FCSK: variants seen among roughly 807,000 people sequenced by gnomAD.
FCSK encodes fucose kinase.
FCSK carries 123 observed loss-of-function variants against 122.5 expected under a neutral mutation model. The ratio of observed to expected loss-of-function variants is 1.00; its 90% CI spans 0.87 to 1.17. The LOEUF is 1.17. FCSK is among the 50% of genes most tolerant of loss of function. The probability of loss-of-function intolerance (pLI) is 0.00; values close to 1 mark genes in which losing one functional copy is unlikely to be tolerated. For missense variants in FCSK, 1,366 were observed against 1,450.4 expected, an observed-to-expected ratio of 0.94 and a Z score of 0.95; for synonymous variants, 620 against 625.5, an observed-to-expected ratio of 0.99 and a Z score of 0.13.
At position 70,474,869 on chromosome 16, in the gene FCSK, C is replaced by A. The variant is rs574949266; in HGVS notation, c.2235C>A (p.Arg745=). Residue 745 remains arginine (R), a synonymous_variant, in exon 18 of 24, where the codon CGC becomes CGA. Transcript: ENST00000288078. ...VLGLAVRVDG[R]RPIGARARRI... is the part of the protein sequence containing the mutation. ...GCCTGGCTGTGCGAGTGGACGGCCGCCGGCCCATCGGAGCCAGGGCACGCC... is the reference window on the plus strand; with the variant it reads ...GCCTGGCTGTGCGAGTGGACGGCCGACGGCCCATCGGAGCCAGGGCACGCC... 7.1e-5 allele frequency: 113 copies of A among 1,599,538 alleles called. No homozygotes were observed. In the Middle Eastern group the frequency reaches 1.0e-3, roughly 14 times the overall value.
chr16:70,458,903 T>C (rs1032536434), intron 1 of FCSK, among the ~76,000 whole-genome samples: 1 of 152,162 alleles, frequency 6.6e-6, no homozygotes, highest in African/African-American at 2.4e-5. Context: ...GTTAAGCAAG[T>C]GGACCCTGTA....
In FCSK at chr16:70,472,570, G is replaced by A. The variant is rs757655651; in HGVS notation, c.1371G>A (p.Val457=). 3.1e-6 allele frequency: 5 copies of A among 1,613,200 alleles called. No homozygotes were observed. The highest frequency in any genetic ancestry group is 3.3e-5 in the Admixed American group (2 of 59,894). The part of the protein sequence containing the change: ...ERQGAGTYLN[V]PWSEFFKRTG... ...AGGGGGCAGGCACATATCTCAACGTGCCCTGGAGTGAATTCTTCAAGAGGA... is the reference window on the plus strand; with the variant it reads ...AGGGGGCAGGCACATATCTCAACGTACCCTGGAGTGAATTCTTCAAGAGGA... The change falls in exon 14 of 24, where the codon GTG becomes GTA. Residue 457 remains valine, a synonymous_variant. Transcript: ENST00000288078.
Position 70,466,919 on chromosome 16 carries a change from G to T in FCSK, c.449G>T (p.Ser150Ile), listed in dbSNP as rs763561603. ...PGSPPGVWVC[S>I]TDMLLSVPAN... ...TCCCCGCCAGGCGTGTGGGTCTGCA[G>T]CACCGACATGCTGCTGTCTGTTCCT... Residue 150 changes from serine to isoleucine, a missense_variant, in exon 6 of 24, where the codon AGC (serine) becomes ATC (isoleucine). Coordinates refer to ENST00000288078, the MANE Select transcript of FCSK (RefSeq NM_145059.3). 5.0e-6 allele frequency: 8 copies of T among 1,613,964 alleles called. No individual in the cohort carries two copies. The South Asian group carries it at 7.7e-5, about 16-fold the overall frequency.
intron 5 of FCSK, 27 bp from the exon 6 acceptor site, chr16:70,466,855 C>G: frequency 6.2e-7 from 1 of 1,606,226 alleles, no homozygotes; most frequent in Middle Eastern, 1.9e-4. Flanking sequence ...CAGGCACCAG[C>G]TGTGTTCTGT....
rs2048432348 is a variant in FCSK at position 70,466,825 on chromosome 16, G to A, written c.412-57G>A. 2.5e-5 allele frequency: 38 copies of A among 1,493,418 alleles called. No homozygotes were observed. In the South Asian group the frequency reaches 4.5e-4, roughly 18 times the overall value. 92.5% of individuals were successfully genotyped at this position (1,493,418 alleles called of 1,614,324 possible). Reference sequence around the variant, plus strand: ...AGCACAGTATCCTTGGGCAAGGAGGGGGCAGGTGAAGGCCTGGGCCAGGCA... The same window carrying A: ...AGCACAGTATCCTTGGGCAAGGAGGAGGCAGGTGAAGGCCTGGGCCAGGCA... On this transcript the variant is annotated intron_variant, in intron 5 of 23. Transcript: ENST00000288078.
intron 1 of FCSK, among the ~76,000 whole-genome samples, chr16:70,457,275 G>A (rs1003896039): frequency 6.6e-6 from 1 of 151,608 alleles, no homozygotes; most frequent in African/African-American, 2.4e-5. Flanking sequence ...TTTTTTTCTT[G>A]AGACAGAGTC....
At position 70,479,873 on chromosome 16, in the gene FCSK, A is replaced by G; in HGVS notation, c.*193A>G. 1.8e-6 allele frequency: 1 copy of G among 544,910 alleles called. No individual in the cohort carries two copies. The highest frequency in any genetic ancestry group is 3.3e-6 in the Non-Finnish European group (1 of 305,330). 33.8% of individuals were successfully genotyped at this position (544,910 alleles called of 1,614,324 possible). A position where few individuals can be genotyped will look rare whatever the true frequency, so the allele number is the denominator to read the frequency against. ...ACTGTGACCTGGTGGACAGGGGCCT[A>G]GATGTAGCCTCTGTTCCTCCTGGAC... On this transcript the variant is annotated 3_prime_UTR_variant, in exon 24 of 24. Transcript: ENST00000288078.
rs774821864 is a variant in FCSK at position 70,478,431 on chromosome 16, A to T, written c.2801A>T (p.Lys934Met). The T allele has an allele frequency of 6.2e-7, 1 of 1,614,156 alleles. No homozygotes were observed. Among genetic ancestry groups the T allele is most frequent in the South Asian group, 1.1e-5 (1 of 91,086 alleles). ...CACCTGCTCTTGGTGTACACTGGCA[A>T]GACCCGCCTGGCTCGGAACCTGCTG... The part of the protein sequence containing the change: ...NDHLLLVYTG[K>M]TRLARNLLQD... Residue 934 changes from lysine (K) to methionine (M), a missense_variant, in exon 21 of 24, where the codon AAG becomes ATG. Physicochemically the swap from Lys to Met is moderately conservative, Grantham distance 95. Transcript: ENST00000288078.
chr16:70,462,038 G>T (rs2048282325), intron 1 of FCSK: 1 of 152,116 alleles, frequency 6.6e-6, no homozygotes. Context: ...CTGCTCCTCC[G>T]AAAAAAGGCT....
In FCSK at chr16:70,471,348, G is replaced by T; in HGVS notation, c.1337G>T (p.Trp446Leu). The change falls in exon 13 of 24, where the codon TGG (tryptophan) becomes TTG (leucine). Residue 446 changes from tryptophan to leucine, a missense_variant. By Grantham distance (61) the Trp-to-Leu change is moderately conservative (BLOSUM62 -2). Transcript: ENST00000288078. ...AFTLVGRLDS[W>L]ERQGAGTYLN... ...ACCCTCGTTGGCCGTCTGGACAGCT[G>T]GGAGGTAGGCAGTCACCCTGCATTC... 6.3e-7 allele frequency: 1 copy of T among 1,578,390 alleles called. No individual in the cohort carries two copies. The highest frequency in any genetic ancestry group is 2.3e-5 in the East Asian group (1 of 43,686).
intron 4 of FCSK, among the ~76,000 whole-genome samples, 183 bp downstream of exon 4, chr16:70,465,359 T>C (rs1158106223): frequency 1.3e-5 from 2 of 152,170 alleles, no homozygotes; most frequent in African/African-American, 4.8e-5. Context: ...GAATATTAGA[T>C]TGAAAGGTCC....
At chr16:70,475,964 C>T (rs7199346) in intron 20 of FCSK, 197 bp downstream of exon 20, 13,991 of 529,208 alleles carry the variant, frequency 0.026, 1,675 homozygotes, top group African/African-American at 0.25. Flanking sequence ...CCCAACGAGC[C>T]GTTTCACAAG....
chr16:70,466,051 A>C (rs780996758), intron 4 of FCSK, 81 bp from the exon 5 acceptor site: 1 of 1,459,418 alleles, frequency 6.9e-7, no homozygotes, highest in Non-Finnish European at 9.4e-7. Context: ...CCTCCACTGG[A>C]TGGCTTTCTG....
intron 23 of FCSK, 39 bp downstream of exon 23, chr16:70,479,442 G>A (rs2048929348): frequency 6.4e-7 from 1 of 1,569,448 alleles, no homozygotes; most frequent in Admixed American, 1.8e-5. Context: ...GACCTCTGGG[G>A]GCAAGAGACC....
chr16:70,471,702 G>A (rs2048625808), intron 13 of FCSK, among the ~76,000 whole-genome samples: 2 of 152,018 alleles, frequency 1.3e-5, no homozygotes, highest in East Asian at 1.9e-4. Flanking sequence ...AGGTTCAAGC[G>A]ATTCTCCTGC....
intron 5 of FCSK, 113 bp downstream of exon 5, chr16:70,466,370 G>A: frequency 7.3e-7 from 1 of 1,365,868 alleles, no homozygotes; most frequent in Non-Finnish European, 1.0e-6. Context: ...ATGGTTTTGA[G>A]GGTGCCTAAT....
chr16:70,468,734 C>G, intron 8 of FCSK, 115 bp from the exon 9 acceptor site: 2 of 1,351,782 alleles, frequency 1.5e-6, no homozygotes. Context: ...AGGTGACACT[C>G]CCTGCCTGGT....
chr16:70,471,805 GGTT>G (rs1194848194), intron 13 of FCSK, among the ~76,000 whole-genome samples: 6 of 146,158 alleles, frequency 4.1e-5, no homozygotes, highest in Admixed American at 3.3e-4. Context: ...GGTTGGGTGG[GGTT>G]GTTGTTTTTT....
chr16:70,478,573 C>T lies in FCSK; in HGVS notation c.2852C>T (p.Ala951Val). Residue 951 changes from alanine (A) to valine (V), a missense_variant, in exon 22 of 24, where the codon GCC (alanine) becomes GTC (valine). Ala to Val is a moderately conservative substitution (Grantham distance 64). Transcript: ENST00000288078. ...CAGGATGTGCTGAGGAGCTGGTATG[C>T]CCGACTTCCTGCTGTGGTGCAGAAT... ...LLQDVLRSWY[A>V]RLPAVVQNAH... The T allele has an allele frequency of 1.2e-6, 2 of 1,613,764 alleles. No homozygotes were observed. The highest frequency in any genetic ancestry group is 1.7e-6 in the Non-Finnish European group (2 of 1,180,036).
Sources: allele counts gnomAD v4.1 joint callset (sites outside exome capture counted in the v4.1 genomes callset), GRCh38; gene constraint gnomAD v4.1.1; transcripts MANE v1.5; gene names NCBI Gene and HGNC (gene_info 2026-07-23, HGNC 2026-07-21).